ENSA: variants seen among roughly 807,000 people sequenced by gnomAD.
ENSA encodes endosulfine alpha, also known as alpha-endosulfine.
ENSA carries 7 observed loss-of-function variants against 16.8 expected under a neutral mutation model. The observed-to-expected ratio is 0.42, with a 90% CI of 0.24 to 0.78. The LOEUF (loss-of-function observed/expected upper bound fraction) is 0.78. Among genes scored for constraint, ENSA ranks in the 30% least tolerant of loss-of-function variants. The pLI is 0.29. For synonymous variants in ENSA, 58 were observed against 53.4 expected (o/e 1.09, Z -0.37); for missense variants, 87 against 142.3 (o/e 0.61, Z 1.98).
intron 1 of ENSA, 189 bp downstream of exon 1, chr1:150,629,225 G>C: frequency 2.6e-6 from 4 of 1,555,052 alleles, no homozygotes; most frequent in Non-Finnish European, 3.5e-6. Flanking sequence ...GTACAGTACT[G>C]AGTGACAAAC....
chr1:150,625,988 C>T (rs1649280934), intron 2 of ENSA, among the ~76,000 whole-genome samples, 180 bp from the exon 3 acceptor site: 1 of 152,168 alleles, frequency 6.6e-6, no homozygotes, highest in African/African-American at 2.4e-5. Flanking sequence ...ATGTCTTCTC[C>T]CCAGTGTGTT....
intron 1 of ENSA, 119 bp downstream of exon 1, chr1:150,629,293 CAA>C: frequency 6.6e-7 from 1 of 1,523,366 alleles, no homozygotes; most frequent in African/African-American, 1.4e-5. Flanking sequence ...CAGCGTGACG[CAA>C]AAAGTGGCCA....
downstream of ENSA, chr1:150,621,578 G>A (rs1185964909): frequency 1.3e-5 from 2 of 152,178 alleles, no homozygotes; most frequent in African/African-American, 2.4e-5. Flanking sequence ...ACCCGCTGGA[G>A]TTTTTTCTCC....
intron 2 of ENSA, among the ~76,000 whole-genome samples, chr1:150,626,824 G>A (rs1262439325): frequency 2.6e-5 from 4 of 152,192 alleles, no homozygotes; most frequent in African/African-American, 9.7e-5. Context: ...GATTACAGGC[G>A]TGAGCCACTG....
At chr1:150,626,827 A>G (rs2101745508) in intron 2 of ENSA, among the ~76,000 whole-genome samples, 2 of 152,326 alleles carry the variant, frequency 1.3e-5, no homozygotes, top group South Asian at 4.1e-4. Context: ...TACAGGCGTG[A>G]GCCACTGCGC....
rs753096741 is a variant in ENSA, at chr1:150,629,399, C to G, written c.57+15G>C. ...GGTCTCCCCAGCTCGCCCGCCCGCA[C>G]CCCTTCCACTTCACCTGCTTCTCCT... is the stretch of plus-strand genomic sequence containing the variant. On this transcript the variant is annotated intron_variant, in intron 1 of 3. Coordinates refer to ENST00000369014, the MANE Select transcript of ENSA (RefSeq NM_004436.4). 4 of 1,611,694 alleles carry G rather than the reference C, an allele frequency of 2.5e-6. No individual in the cohort carries two copies. In the Admixed American group the frequency reaches 6.7e-5, roughly 27 times the overall value.
chr1:150,626,400 T>A (rs1649311753), intron 2 of ENSA: 1 of 1,430,308 alleles, frequency 7.0e-7, no homozygotes, highest in African/African-American at 1.4e-5. Flanking sequence ...TCCAGCAAGG[T>A]AAATGCAAAT....
chr1:150,627,459 C>T lies in ENSA; in HGVS notation c.183+8G>A, dbSNP rs762396214. 1 of 1,614,222 alleles carries T rather than the reference C, an allele frequency of 6.2e-7. No individual in the cohort carries two copies. Among genetic ancestry groups the T allele is most frequent in the East Asian group, 2.2e-5 (1 of 44,886 alleles). On this transcript the variant is annotated splice_region_variant and intron_variant, in intron 2 of 3. Transcript: ENST00000369014. ...CAAAGAAAGAGGGTAAGAGACTATG[C>T]CCCATACCCCTTTCTGGAGTCTCTT...
At chr1:150,628,189 A>T (rs943515030) in intron 1 of ENSA, among the ~76,000 whole-genome samples, 1 of 152,134 alleles carries the variant, frequency 6.6e-6, no homozygotes, top group South Asian at 2.1e-4. Flanking sequence ...TTTCTTTTTT[A>T]AAATTGCTAC....
At chr1:150,627,446 G>A in intron 2 of ENSA, 21 bp downstream of exon 2, 2 of 1,614,222 alleles carry the variant, frequency 1.2e-6, no homozygotes, top group Non-Finnish European at 1.7e-6. Context: ...AAGAAAGAGG[G>A]TAAGAGACTA....
chr1:150,629,293 CA>C, intron 1 of ENSA, 120 bp downstream of exon 1: 8 of 1,523,362 alleles, frequency 5.3e-6, no homozygotes, highest in Non-Finnish European at 6.2e-6. Flanking sequence ...CAGCGTGACG[CA>C]AAAAGTGGCC....
chr1:150,623,778 A>C (rs1225711419), intron 3 of ENSA: 1 of 985,710 alleles, frequency 1.0e-6, no homozygotes, highest in African/African-American at 1.7e-5. Flanking sequence ...AAGAAACACA[A>C]AAATTATATA....
At position 150,627,347 on chromosome 1, in the gene ENSA, G is replaced by A. The variant is rs587733172; in HGVS notation, c.183+120C>T. 41 of 1,603,364 alleles carry A rather than the reference G, an allele frequency of 2.6e-5. 1 individual carries two copies. In the South Asian group the frequency reaches 3.6e-4, roughly 14 times the overall value. On this transcript the variant is annotated intron_variant, in intron 2 of 3. Coordinates refer to ENST00000369014, the MANE Select transcript of ENSA (RefSeq NM_004436.4). Reference sequence around the variant, plus strand: ...CTTGCTCTTTTCAAATTTCAAATTCGCCTCTACTTCTGTTCAACAACAAAA... The same window carrying A: ...CTTGCTCTTTTCAAATTTCAAATTCACCTCTACTTCTGTTCAACAACAAAA...
downstream of ENSA, chr1:150,621,584 T>A (rs1649002737): frequency 6.6e-6 from 1 of 152,242 alleles, no homozygotes; most frequent in African/African-American, 2.4e-5. Context: ...TGGAGTTTTT[T>A]CTCCTTTGGT....
At chr1:150,626,209 A>C (rs1251535861) in intron 2 of ENSA, among the ~76,000 whole-genome samples, 2 of 152,224 alleles carry the variant, frequency 1.3e-5, no homozygotes, top group African/African-American at 4.8e-5. Flanking sequence ...GAGAAGGATA[A>C]ATATGGGGCT....
In ENSA at chr1:150,625,766, T is replaced by G; in HGVS notation, c.226A>C (p.Lys76Gln). The G allele has an allele frequency of 6.2e-7, 1 of 1,612,200 alleles. No homozygotes were observed. The highest frequency in any genetic ancestry group is 8.5e-7 in the Non-Finnish European group (1 of 1,179,110). ...DSGDYNMAKA[K>Q]MKNKQLPSAG... is the part of the protein sequence containing the mutation. ...CTTGGCAGCTGCTTATTCTTCATCT[T>G]GGCTTTGGCCATGTTGTAGTCTCCT... The change falls in exon 3 of 4, where the codon AAG (lysine) becomes CAG (glutamine). Residue 76 changes from lysine to glutamine, a missense_variant. Transcript: ENST00000369014.
At position 150,626,468 on chromosome 1, in the gene ENSA, G is replaced by A. The variant is rs150783729; in HGVS notation, c.184-660C>T. Reference sequence around the variant, plus strand: ...AATAACTGGGATCCTCCACAGGGATGTTTCACCCACCATTTCATCCGCACA... The same window carrying A: ...AATAACTGGGATCCTCCACAGGGATATTTCACCCACCATTTCATCCGCACA... On this transcript the variant is annotated intron_variant, in intron 2 of 3. Transcript: ENST00000369014. 35 of 1,610,460 alleles carry A rather than the reference G, an allele frequency of 2.2e-5. No homozygotes were observed. The East Asian group carries it at 6.7e-4, about 31-fold the overall frequency.
intron 2 of ENSA, chr1:150,626,566 T>C (rs587676980): frequency 6.6e-7 from 1 of 1,510,558 alleles, no homozygotes; most frequent in Non-Finnish European, 9.1e-7. Flanking sequence ...AATAAAAAAA[T>C]TTTTTTTTGA....
At chr1:150,628,629 G>T (rs770682582) in intron 1 of ENSA, among the ~76,000 whole-genome samples, 5 of 151,982 alleles carry the variant, frequency 3.3e-5, no homozygotes, top group Admixed American at 6.6e-5. Context: ...AACACCAAGT[G>T]TATTTAATGA....
Sources: gnomAD v4.1 joint callset for allele counts (sites outside exome capture counted in the v4.1 genomes callset) on GRCh38, gnomAD v4.1.1 for gene constraint, MANE v1.5 for transcripts, NCBI Gene and HGNC (gene_info 2026-07-23, HGNC 2026-07-21) for gene names.